The following WDR47 variants were observed in gnomAD, a reference collection of about 807,000 sequenced individuals.
The protein encoded by WDR47 is WD repeat-containing protein 47.
WDR47 carries 32 observed loss-of-function variants against 97.2 expected under a neutral mutation model. The ratio of observed to expected loss-of-function variants is 0.33; its 90% confidence interval spans 0.25 to 0.44. WDR47 has a LOEUF of 0.44. Ranked by LOEUF, WDR47 falls within the 20% of genes least tolerant of loss-of-function variation. WDR47 has a pLI of 1.00. For synonymous variants in WDR47, 375 were observed against 373.5 expected (o/e 1.00, Z -0.05); for missense variants, 782 against 1,102.3 (o/e 0.71, Z 4.11).
At chr1:109,039,418 C>G (rs532552502) in intron 1 of WDR47, among the ~76,000 whole-genome samples, 2 of 152,200 alleles carry the variant, frequency 1.3e-5, no homozygotes, top group African/African-American at 4.8e-5. Context: ...CCACCATGCC[C>G]AGTTAATTTT....
chr1:109,039,672 T>C (rs573013997), intron 1 of WDR47, among the ~76,000 whole-genome samples: 29 of 151,806 alleles, frequency 1.9e-4, no homozygotes, highest in African/African-American at 6.5e-4. Context: ...GTCTCAAAAC[T>C]GAAGTATCCT....
intron 13 of WDR47, among the ~76,000 whole-genome samples, chr1:108,977,781 T>C (rs1658030197): frequency 6.6e-6 from 1 of 151,746 alleles, no homozygotes; most frequent in South Asian, 2.1e-4. Context: ...TGAGCTGAGA[T>C]TACACCATGG....
At chr1:108,996,279 C>T (rs1370406411) in intron 7 of WDR47, among the ~76,000 whole-genome samples, 1 of 152,138 alleles carries the variant, frequency 6.6e-6, no homozygotes, top group South Asian at 2.1e-4. Context: ...TGGTCCTTAA[C>T]TCCTGGGTTC....
chr1:109,025,938 A>G (rs894457418), intron 1 of WDR47, among the ~76,000 whole-genome samples: 1 of 152,118 alleles, frequency 6.6e-6, no homozygotes, highest in African/African-American at 2.4e-5. Flanking sequence ...CCAACTCCGC[A>G]TGCTTTAGGT....
chr1:109,005,499 G>A (rs888546317), intron 5 of WDR47, among the ~76,000 whole-genome samples: 1 of 152,136 alleles, frequency 6.6e-6, no homozygotes, highest in African/African-American at 2.4e-5. Flanking sequence ...CCACAAAAAG[G>A]GTTTTAAAAA....
chr1:109,020,034 C>T (rs999436118), intron 2 of WDR47, among the ~76,000 whole-genome samples: 7 of 151,646 alleles, frequency 4.6e-5, no homozygotes, highest in African/African-American at 1.7e-4. Context: ...TCATTTGAGG[C>T]CAGGAGTTCA....
rs563889935 is a variant in WDR47 at position 109,028,204 on chromosome 1, A to T, written c.-9-4683T>A. On this transcript the variant is annotated intron_variant, in intron 1 of 14. Transcript: ENST00000369962. ...ATGGTTTTGTTTGTTTGTCTGTTTT[A>T]GACAGGGTCTTACTCTGAGGCCCAG... Among the ~76,000 whole-genome samples, 101 of 152,186 alleles carry T rather than the reference A, an allele frequency of 6.6e-4. 1 individual carries two copies. The highest frequency in any genetic ancestry group is 2.3e-3 in the African/African-American group (94 of 41,524).
At chr1:109,023,704 A>G (rs1662008916) in intron 1 of WDR47, among the ~76,000 whole-genome samples, 183 bp from the exon 2 acceptor site, 1 of 152,188 alleles carries the variant, frequency 6.6e-6, no homozygotes, top group East Asian at 1.9e-4. Context: ...TATGGCCATG[A>G]TTTTTTAAAG....
chr1:109,011,636 A>T lies in WDR47; in HGVS notation c.410T>A (p.Leu137His). The T allele has an allele frequency of 6.2e-7, 1 of 1,614,184 alleles. No homozygotes were observed. The highest frequency in any genetic ancestry group is 8.5e-7 in the Non-Finnish European group (1 of 1,180,024). ...ACGAGGCAAAGTCAAAAGCAAACAG[A>T]GCTTACTATAGTCATCTTTAGAAGG... ...YCPSKDDYSK[L>H]CLLLTLPRLT... The change falls in exon 5 of 15, where the codon CTC (leucine) becomes CAC (histidine). Residue 137 changes from leucine to histidine, a missense_variant. Coordinates refer to ENST00000369962, the MANE Select transcript of WDR47 (RefSeq NM_001142551.2).
chr1:108,976,621 G>A (rs1657919914), intron 13 of WDR47, among the ~76,000 whole-genome samples: 2 of 152,140 alleles, frequency 1.3e-5, no homozygotes, highest in Non-Finnish European at 2.9e-5. Flanking sequence ...CACTAAACAA[G>A]TAAACAAGTA....
At chr1:108,997,759 CAAAA>C (rs35471904) in intron 7 of WDR47, among the ~76,000 whole-genome samples, 2 of 101,980 alleles carry the variant, frequency 2.0e-5, no homozygotes, top group African/African-American at 3.9e-5. Context: ...GACTCCATCT[CAAAA>C]AAAAAAAAAA....
At chr1:109,016,425 G>A (rs1332600486) in intron 3 of WDR47, among the ~76,000 whole-genome samples, 1 of 152,098 alleles carries the variant, frequency 6.6e-6, no homozygotes, top group Non-Finnish European at 1.5e-5. Flanking sequence ...GGTACTGCCA[G>A]AGCAGCTAAA....
chr1:109,020,083 TA>T (rs34705732), intron 2 of WDR47, among the ~76,000 whole-genome samples: 10,514 of 149,260 alleles, frequency 0.07, 482 homozygotes, highest in Middle Eastern at 0.14. Context: ...CCTACCTTTA[TA>T]AAAAAAAAAT....
At chr1:108,979,973 G>A (rs1335469046) in intron 13 of WDR47, among the ~76,000 whole-genome samples, 1 of 152,162 alleles carries the variant, frequency 6.6e-6, no homozygotes, top group African/African-American at 2.4e-5. Flanking sequence ...TCCGCCTCCT[G>A]TCAGATCAGT....
chr1:108,989,573 A>G (rs1174661860), intron 9 of WDR47, among the ~76,000 whole-genome samples: 1 of 152,236 alleles, frequency 6.6e-6, no homozygotes, highest in East Asian at 1.9e-4. Context: ...CATGGGGTAG[A>G]TAAGAGAAAA....
intron 1 of WDR47, among the ~76,000 whole-genome samples, chr1:109,029,349 C>T (rs1662453763): frequency 6.6e-6 from 1 of 151,414 alleles, no homozygotes; most frequent in South Asian, 2.1e-4. Context: ...ATGCTGAAAC[C>T]CCGTCTCTAC....
intron 8 of WDR47, chr1:108,992,889 G>A (rs1659470947): frequency 7.9e-7 from 1 of 1,261,802 alleles, no homozygotes; most frequent in Admixed American, 1.9e-5. Context: ...TAAATCCATA[G>A]AAAATAGAGG....
chr1:109,036,761 C>T (rs1662981645), intron 1 of WDR47, among the ~76,000 whole-genome samples: 2 of 146,500 alleles, frequency 1.4e-5, no homozygotes, highest in African/African-American at 2.5e-5. Flanking sequence ...GCGTGAACCC[C>T]GGGGCGGAGC....
At position 109,003,955 on chromosome 1, in the gene WDR47, C is replaced by A. The variant is rs186811569; in HGVS notation, c.1254+637G>T. 1.5e-4 allele frequency among the ~76,000 whole-genome samples: 23 copies of A among 152,082 alleles called. No homozygotes were observed. The East Asian group carries it at 2.5e-3, about 17-fold the overall frequency. On this transcript the variant is annotated intron_variant, in intron 6 of 14. Coordinates refer to ENST00000369962, the MANE Select transcript of WDR47 (RefSeq NM_001142551.2). ...TTAAATCTAATTAGTAAAATATAGA[C>A]CATATCTCTTAAAAATGTAAACTAG...
Sources: gnomAD v4.1 joint callset for allele counts (sites outside exome capture counted in the v4.1 genomes callset) on GRCh38, gnomAD v4.1.1 for gene constraint, MANE v1.5 for transcripts, NCBI Gene and HGNC (gene_info 2026-07-23, HGNC 2026-07-21) for gene names.